EBF2: variants seen among roughly 807,000 people sequenced by gnomAD.
EBF2 encodes the protein EBF transcription factor 2.
A neutral mutation model predicts 72.8 loss-of-function variants in EBF2; 21 were observed. The observed-to-expected ratio is 0.29, with a 90% CI of 0.20 to 0.42. EBF2 has a LOEUF of 0.42. Among genes scored for constraint, EBF2 ranks in the 10% least tolerant of loss-of-function variants. The pLI is 1.00. For missense variants in EBF2, 637 were observed against 731.2 expected (o/e 0.87, Z 1.49); for synonymous variants, 299 against 274.2 (o/e 1.09, Z -0.89).
intron 7 of EBF2, among the ~76,000 whole-genome samples, chr8:25,902,791 T>A (rs934294584): frequency 1.2e-4 from 19 of 152,152 alleles, no homozygotes; most frequent in African/African-American, 4.6e-4. Flanking sequence ...GTGGTGACAT[T>A]CAGCTGTAGC....
chr8:25,970,097 G>A (rs1173126681), intron 6 of EBF2, among the ~76,000 whole-genome samples: 1 of 152,174 alleles, frequency 6.6e-6, no homozygotes. Context: ...CGTTCCCTCT[G>A]CTGGATCTAT....
At chr8:25,912,165 G>A (rs1005925773) in intron 6 of EBF2, among the ~76,000 whole-genome samples, 2 of 152,134 alleles carry the variant, frequency 1.3e-5, no homozygotes, top group Non-Finnish European at 2.9e-5. Context: ...ACAACCCCAT[G>A]GGTGACGAAT....
intron 6 of EBF2, among the ~76,000 whole-genome samples, chr8:25,979,165 G>T (rs1035709937): frequency 3.3e-5 from 5 of 152,220 alleles, no homozygotes; most frequent in African/African-American, 1.2e-4. Flanking sequence ...CCAAGTTGCT[G>T]TGTGTCCCGC....
chr8:25,863,823 G>A (rs1399803842), intron 10 of EBF2, among the ~76,000 whole-genome samples: 1 of 151,934 alleles, frequency 6.6e-6, no homozygotes, highest in Non-Finnish European at 1.5e-5. Context: ...AACATTTTTT[G>A]CATATGTCTT....
At chr8:26,009,027 C>A in intron 6 of EBF2, among the ~76,000 whole-genome samples, 1 of 146,288 alleles carries the variant, frequency 6.8e-6, no homozygotes, top group East Asian at 2.1e-4. Context: ...GCCTACATAT[C>A]CTCAGAAGTC....
intron 6 of EBF2, among the ~76,000 whole-genome samples, chr8:25,930,754 GCTA>G (rs1236216589): frequency 6.6e-6 from 1 of 152,116 alleles, no homozygotes; most frequent in Admixed American, 6.6e-5. Flanking sequence ...TGTCATTTTG[GCTA>G]CCTGTACATT....
intron 6 of EBF2, among the ~76,000 whole-genome samples, chr8:26,001,951 T>C (rs866038284): frequency 6.6e-6 from 1 of 152,142 alleles, no homozygotes; most frequent in Admixed American, 6.5e-5. Context: ...AACTCCAGAA[T>C]GGGGATGACA....
intron 6 of EBF2, among the ~76,000 whole-genome samples, chr8:26,017,019 C>T (rs1237204945): frequency 5.9e-5 from 9 of 152,110 alleles, no homozygotes; most frequent in South Asian, 2.1e-4. Flanking sequence ...TGCTGGGAAA[C>T]GCTGAAGAGA....
At chr8:25,878,992 CTTTAAAT>C (rs929762467) in intron 10 of EBF2, among the ~76,000 whole-genome samples, 5 of 151,922 alleles carry the variant, frequency 3.3e-5, no homozygotes, top group Non-Finnish European at 5.9e-5. Flanking sequence ...ATACTTTATT[CTTTAAAT>C]TTTAAATTTT....
intron 6 of EBF2, among the ~76,000 whole-genome samples, chr8:25,953,473 G>A (rs1803895704): frequency 6.6e-6 from 1 of 152,218 alleles, no homozygotes; most frequent in Non-Finnish European, 1.5e-5. Flanking sequence ...GAAATGGATG[G>A]AGTGGTTGAT....
At chr8:25,957,420 T>C (rs1803968300) in intron 6 of EBF2, among the ~76,000 whole-genome samples, 1 of 152,228 alleles carries the variant, frequency 6.6e-6, no homozygotes, top group African/African-American at 2.4e-5. Context: ...GCATCCCATC[T>C]GCTAGTTCAG....
Position 25,862,785 on chromosome 8 carries a change from G to C in EBF2, c.1022C>G (p.Pro341Arg). The change falls in exon 11 of 16, where the codon CCC (proline) becomes CGC (arginine). Residue 341 changes from proline (P) to arginine (R), a missense_variant. Around this residue, in one of 3 missense-constraint regions of EBF2, gnomAD observed 204 missense variants for 301.2 expected, o/e 0.68. Transcript: ENST00000520164. The stretch of plus-strand genomic sequence containing the variant: ...TCTCTGGAAGCCATAGTCTATGGTG[G>C]GTTCATTTAATGCTGAAAGAGAAAA... ...GRFIYTALNE[P>R]TIDYGFQRLQ... 1 of 1,588,494 alleles carries C rather than the reference G, an allele frequency of 6.3e-7. No homozygotes were observed. The highest frequency in any genetic ancestry group is 8.6e-7 in the Non-Finnish European group (1 of 1,166,294).
chr8:25,939,651 C>G (rs959622206), intron 6 of EBF2, among the ~76,000 whole-genome samples: 1 of 152,214 alleles, frequency 6.6e-6, no homozygotes, highest in Non-Finnish European at 1.5e-5. Flanking sequence ...CCTCAAACCC[C>G]TACAGCTCCA....
chr8:25,869,321 G>A (rs969407878), intron 10 of EBF2, among the ~76,000 whole-genome samples: 2 of 152,086 alleles, frequency 1.3e-5, no homozygotes, highest in Admixed American at 1.3e-4. Context: ...CACTCCTCAA[G>A]TTGGAGACAG....
chr8:25,938,601 G>A (rs1047113780), intron 6 of EBF2, among the ~76,000 whole-genome samples: 1 of 152,106 alleles, frequency 6.6e-6, no homozygotes, highest in East Asian at 1.9e-4. Context: ...TTAATGAAAG[G>A]CATAATTCTT....
intron 6 of EBF2, among the ~76,000 whole-genome samples, chr8:26,018,711 G>C (rs1805154597): frequency 6.6e-6 from 1 of 151,740 alleles, no homozygotes; most frequent in East Asian, 1.9e-4. Flanking sequence ...GCTGCTGATG[G>C]AATAGGAAGA....
intron 6 of EBF2, among the ~76,000 whole-genome samples, chr8:26,006,824 A>C (rs972540292): frequency 6.6e-6 from 1 of 152,210 alleles, no homozygotes; most frequent in Non-Finnish European, 1.5e-5. Flanking sequence ...TTCCCTTTAA[A>C]GGCCGTGGGA....
chr8:25,946,157 C>G (rs1466404566), intron 6 of EBF2, among the ~76,000 whole-genome samples: 3 of 152,236 alleles, frequency 2.0e-5, no homozygotes, highest in Admixed American at 1.3e-4. Context: ...TCACTTAGAA[C>G]AGCCAAATCT....
intron 14 of EBF2, among the ~76,000 whole-genome samples, chr8:25,856,760 A>G (rs938918060): frequency 1.3e-5 from 2 of 152,244 alleles, no homozygotes; most frequent in African/African-American, 4.8e-5. Flanking sequence ...TCTCAGTAAC[A>G]GAAATAGCCA....
Sources: allele counts gnomAD v4.1 joint callset (sites outside exome capture counted in the v4.1 genomes callset), GRCh38; gene constraint gnomAD v4.1.1; regional missense constraint gnomAD v4.1.1; transcripts MANE v1.5; gene names NCBI Gene and HGNC (gene_info 2026-07-23, HGNC 2026-07-21).